ASAP2: variants seen among roughly 807,000 people sequenced by gnomAD.
ASAP2 encodes the protein arf-GAP with SH3 domain, ANK repeat and PH domain-containing protein 2.
A neutral mutation model predicts 131.4 loss-of-function variants in ASAP2; 45 were observed. The ratio of observed to expected loss-of-function variants is 0.34; its 90% CI spans 0.27 to 0.44. ASAP2 has a LOEUF of 0.44. Among genes scored for constraint, ASAP2 ranks in the 20% least tolerant of loss-of-function variants. The pLI is 1.00. For synonymous variants in ASAP2, 510 were observed against 503.0 expected, an observed-to-expected ratio of 1.01 and a Z score of -0.19; for missense variants, 1,011 against 1,297.0, an observed-to-expected ratio of 0.78 and a Z score of 3.39.
intron 1 of ASAP2, among the ~76,000 whole-genome samples, chr2:9,246,041 C>T (rs141621527): frequency 5.3e-5 from 8 of 152,242 alleles, no homozygotes; most frequent in South Asian, 2.1e-4. Context: ...GGTGTGACCC[C>T]GTTGGGGGAA....
chr2:9,298,093 G>C (rs1396423690), intron 3 of ASAP2, among the ~76,000 whole-genome samples: 1 of 152,188 alleles, frequency 6.6e-6, no homozygotes, highest in African/African-American at 2.4e-5. Flanking sequence ...CAAGAGGGCT[G>C]TTTGGGACCC....
At position 9,294,520 on chromosome 2, in the gene ASAP2, C is replaced by G. The variant is rs1363607301; in HGVS notation, c.200-2780C>G. On this transcript the variant is annotated intron_variant, in intron 2 of 27. Coordinates refer to ENST00000281419, the MANE Select transcript of ASAP2 (RefSeq NM_003887.3). ...AAGTGCACCGATCCTCCTACCAACT[C>G]TATGGTCTGGGGCAGGTGACATGAC... is the stretch of plus-strand genomic sequence containing the variant. Among the ~76,000 whole-genome samples the G allele has an allele frequency of 3.9e-5, 6 of 152,202 alleles. No individual in the cohort carries two copies. In the South Asian group the frequency reaches 6.2e-4, roughly 16 times the overall value.
At chr2:9,387,075 G>T (rs561946628) in intron 21 of ASAP2, among the ~76,000 whole-genome samples, 24 of 99,730 alleles carry the variant, frequency 2.4e-4, no homozygotes, top group Admixed American at 4.3e-4. Flanking sequence ...GCTTGGTGGT[G>T]GGTGGGGGGG....
chr2:9,243,744 C>T (rs1313902277), intron 1 of ASAP2, among the ~76,000 whole-genome samples: 1 of 152,190 alleles, frequency 6.6e-6, no homozygotes, highest in Non-Finnish European at 1.5e-5. Context: ...CATTCATCTG[C>T]TCATTTATTC....
rs1170182295 is a variant in ASAP2, at chr2:9,281,865, C to T, written c.199+2476C>T. On this transcript the variant is annotated intron_variant, in intron 2 of 27. Coordinates refer to ENST00000281419, the MANE Select transcript of ASAP2 (RefSeq NM_003887.3). The surrounding 1 kb of genome is among the most constrained non-coding windows in gnomAD (Gnocchi z 4.0). ...TCAGGTGAGTAAATACTGCAGAGCA[C>T]CAGATGAGTTCCGAGCTCTTGTGCA... 1.3e-5 allele frequency among the ~76,000 whole-genome samples: 2 copies of T among 152,192 alleles called. No individual in the cohort carries two copies. The highest frequency in any genetic ancestry group is 2.9e-5 in the Non-Finnish European group (2 of 68,044).
At chr2:9,214,685 T>G (rs551678613) in intron 1 of ASAP2, among the ~76,000 whole-genome samples, 20 of 152,198 alleles carry the variant, frequency 1.3e-4, no homozygotes, top group African/African-American at 4.1e-4. Flanking sequence ...CTGATTTAGT[T>G]TCTTCACTCA....
chr2:9,305,260 G>C (rs866689238), intron 3 of ASAP2, among the ~76,000 whole-genome samples: 10 of 151,098 alleles, frequency 6.6e-5, no homozygotes, highest in Non-Finnish European at 8.8e-5. Flanking sequence ...ATTGGTGGAG[G>C]GGCTGTAATA....
intron 27 of ASAP2, among the ~76,000 whole-genome samples, 182 bp downstream of exon 27, chr2:9,401,578 A>C (rs1403111236): frequency 6.6e-6 from 1 of 152,188 alleles, no homozygotes; most frequent in East Asian, 1.9e-4. Flanking sequence ...CCTTCTGAGC[A>C]GGCCTGATTA....
At chr2:9,242,049 T>C (rs1572231835) in intron 1 of ASAP2, among the ~76,000 whole-genome samples, 1 of 152,188 alleles carries the variant, frequency 6.6e-6, no homozygotes, top group East Asian at 1.9e-4. Context: ...AGTTTCCTCA[T>C]GTGAAGCAAG....
At chr2:9,316,597 G>A (rs893358290) in intron 3 of ASAP2, among the ~76,000 whole-genome samples, 8 of 152,124 alleles carry the variant, frequency 5.3e-5, no homozygotes, top group South Asian at 2.1e-4. Flanking sequence ...TGGGAAGTGC[G>A]AAAGTGGGTT....
chr2:9,323,816 C>G (rs1315092754), intron 6 of ASAP2, among the ~76,000 whole-genome samples: 1 of 152,218 alleles, frequency 6.6e-6, no homozygotes, highest in South Asian at 2.1e-4. Flanking sequence ...CTCAGCCCTT[C>G]CCTTAGTGAG....
chr2:9,237,084 A>G (rs1663605527), intron 1 of ASAP2, among the ~76,000 whole-genome samples: 1 of 152,162 alleles, frequency 6.6e-6, no homozygotes, highest in Non-Finnish European at 1.5e-5. Context: ...CAAGAGGGAC[A>G]AGTCTCTGAC....
chr2:9,226,271 C>T (rs911024742), intron 1 of ASAP2, among the ~76,000 whole-genome samples: 2 of 152,192 alleles, frequency 1.3e-5, no homozygotes, highest in African/African-American at 4.8e-5. Flanking sequence ...TAAAAGATCA[C>T]CCACTTATTT....
At chr2:9,364,698 C>A (rs757977976) in intron 15 of ASAP2, among the ~76,000 whole-genome samples, 1 of 152,154 alleles carries the variant, frequency 6.6e-6, no homozygotes, top group Admixed American at 6.5e-5. Context: ...TCCTCAAAGA[C>A]GAAGAACTTA....
intron 1 of ASAP2, among the ~76,000 whole-genome samples, chr2:9,231,028 C>T (rs765866868): frequency 3.3e-5 from 5 of 152,134 alleles, no homozygotes; most frequent in Non-Finnish European, 7.4e-5. Context: ...GAGATGCTGC[C>T]CAGGCTCGGC....
At position 9,380,779 on chromosome 2, in the gene ASAP2, C is replaced by A; in HGVS notation, c.1987C>A (p.Arg663Ser). ...SGETPLDIAK[R>S]LKHEHCEELL... ...AGAGACTCCGCTGGACATTGCCAAGCGCCTCAAGCACGAGCACTGTGAGGA... is the reference window on the plus strand; with the variant it reads ...AGAGACTCCGCTGGACATTGCCAAGAGCCTCAAGCACGAGCACTGTGAGGA... The change falls in exon 20 of 28, where the codon CGC becomes AGC. Residue 663 changes from arginine to serine, a missense_variant. By Grantham distance (110) the Arg-to-Ser change is moderately radical. Transcript: ENST00000281419. 1 of 1,614,174 alleles carries A rather than the reference C, an allele frequency of 6.2e-7. No homozygotes were observed. The highest frequency in any genetic ancestry group is 1.3e-5 in the African/African-American group (1 of 75,058).
At chr2:9,238,453 A>C (rs1234749230) in intron 1 of ASAP2, among the ~76,000 whole-genome samples, 1 of 152,188 alleles carries the variant, frequency 6.6e-6, no homozygotes, top group Admixed American at 6.5e-5. Flanking sequence ...TTGTCTTACC[A>C]GCCTGTGCAG....
chr2:9,370,349 T>G (rs1673851477), intron 16 of ASAP2, among the ~76,000 whole-genome samples: 2 of 152,230 alleles, frequency 1.3e-5, no homozygotes, highest in South Asian at 4.1e-4. Context: ...AGTCAGTTTA[T>G]GTTTGAATCC....
At chr2:9,294,757 G>C (rs1440966452) in intron 2 of ASAP2, among the ~76,000 whole-genome samples, 1 of 152,206 alleles carries the variant, frequency 6.6e-6, no homozygotes, top group Non-Finnish European at 1.5e-5. Context: ...AGAGTCTTCA[G>C]CTTCTCTCCT....
Sources: allele counts gnomAD v4.1 joint callset (sites outside exome capture counted in the v4.1 genomes callset), GRCh38; gene constraint gnomAD v4.1.1; non-coding constraint Gnocchi (gnomAD v3.1); transcripts MANE v1.5; gene names NCBI Gene and HGNC (gene_info 2026-07-23, HGNC 2026-07-21).